Variants in RABGAP1L observed in about 807,000 individuals in gnomAD.
RABGAP1L encodes the protein RAB GTPase activating protein 1 like.
Under a neutral mutation model 137.7 loss-of-function variants are expected in RABGAP1L, and 63 were observed. That is an observed-to-expected ratio of 0.46 (90% CI 0.37 to 0.56). The LOEUF (loss-of-function observed/expected upper bound fraction) is 0.56. Among genes scored for constraint, RABGAP1L ranks in the 20% least tolerant of loss-of-function variants. The probability of loss-of-function intolerance (pLI) is 0.00; values close to 1 mark genes in which losing one functional copy is unlikely to be tolerated. For synonymous variants in RABGAP1L, 431 were observed against 433.7 expected, an observed-to-expected ratio of 0.99 and a Z score of 0.08; for missense variants, 1,095 against 1,244.0, an observed-to-expected ratio of 0.88 and a Z score of 1.80.
chr1:174,572,652 A>T (rs1668071425), intron 13 of RABGAP1L, among the ~76,000 whole-genome samples: 1 of 152,178 alleles, frequency 6.6e-6, no homozygotes, highest in African/African-American at 2.4e-5. Context: ...AAGTGCTGAG[A>T]CTGCAGGCGT....
intron 14 of RABGAP1L, among the ~76,000 whole-genome samples, chr1:174,648,202 C>G (rs1675156261): frequency 6.6e-6 from 1 of 151,940 alleles, no homozygotes; most frequent in Non-Finnish European, 1.5e-5. Flanking sequence ...ATGTCTATCT[C>G]CTTCAGTTCT....
intron 15 of RABGAP1L, among the ~76,000 whole-genome samples, chr1:174,694,521 A>G (rs1293256613): frequency 6.6e-6 from 1 of 151,572 alleles, no homozygotes; most frequent in African/African-American, 2.4e-5. Flanking sequence ...CCTACAAAGG[A>G]CATGAACTCA....
At chr1:174,900,080 G>A (rs80079076) in intron 19 of RABGAP1L, among the ~76,000 whole-genome samples, 3,153 of 152,298 alleles carry the variant, frequency 0.021, 45 homozygotes, top group Middle Eastern at 0.078. Flanking sequence ...AATTGCAACT[G>A]TCCACCAGAA....
rs189405382 is a variant in RABGAP1L at position 174,984,015 on chromosome 1, G to C, written c.2805+1110G>C. 9.8e-4 allele frequency among the ~76,000 whole-genome samples: 146 copies of C among 149,518 alleles called. 1 individual carries two copies. Among genetic ancestry groups the C allele is most frequent in the African/African-American group, 3.5e-3 (142 of 40,422 alleles). On this transcript the variant is annotated intron_variant, in intron 24 of 25. Coordinates refer to ENST00000681986, the MANE Select transcript of RABGAP1L (RefSeq NM_001366446.1). ...TTGATGAAGTTGAATGGCATAAAGG[G>C]GTTAACTCTCCTGAAGTGAATTTTT...
chr1:174,263,996 T>C (rs1048118548), intron 7 of RABGAP1L, among the ~76,000 whole-genome samples: 18 of 152,062 alleles, frequency 1.2e-4, no homozygotes, highest in African/African-American at 4.3e-4. Flanking sequence ...AATAGTAGCA[T>C]AGTTGTTTTA....
At chr1:174,630,248 G>A (rs1673249033) in intron 13 of RABGAP1L, among the ~76,000 whole-genome samples, 1 of 135,712 alleles carries the variant, frequency 7.4e-6, no homozygotes, top group Admixed American at 7.7e-5. Flanking sequence ...AAGCCCACTT[G>A]ATCATGGTGG....
At chr1:174,629,525 G>A (rs777620686) in intron 13 of RABGAP1L, among the ~76,000 whole-genome samples, 1 of 152,046 alleles carries the variant, frequency 6.6e-6, no homozygotes, top group African/African-American at 2.4e-5. Context: ...CTAGGAAGGG[G>A]AATTTTATTT....
At chr1:174,935,721 C>T (rs1664661532) in intron 19 of RABGAP1L, among the ~76,000 whole-genome samples, 1 of 152,174 alleles carries the variant, frequency 6.6e-6, no homozygotes, top group African/African-American at 2.4e-5. Flanking sequence ...GTGGCTCACG[C>T]CTGTAATCCC....
At chr1:174,322,977 T>A (rs983661399) in intron 11 of RABGAP1L, among the ~76,000 whole-genome samples, 8 of 152,184 alleles carry the variant, frequency 5.3e-5, no homozygotes, top group Non-Finnish European at 1.0e-4. Flanking sequence ...AAATGCCATT[T>A]TTTTTAGAAA....
At chr1:174,214,508 C>T (rs980551419) in intron 1 of RABGAP1L, among the ~76,000 whole-genome samples, 7 of 152,104 alleles carry the variant, frequency 4.6e-5, no homozygotes, top group Non-Finnish European at 7.4e-5. Flanking sequence ...TATGAAACTA[C>T]AAAAGACCCA....
At chr1:174,495,149 A>G (rs910912086) in intron 13 of RABGAP1L, among the ~76,000 whole-genome samples, 2 of 152,106 alleles carry the variant, frequency 1.3e-5, no homozygotes, top group South Asian at 2.1e-4. Context: ...TCTTTTTACC[A>G]TAAGTGGTGT....
chr1:174,509,048 G>A (rs1004772786), intron 13 of RABGAP1L, among the ~76,000 whole-genome samples: 3 of 152,164 alleles, frequency 2.0e-5, no homozygotes, highest in African/African-American at 7.2e-5. Flanking sequence ...TCTATTCATG[G>A]CAAGGTAATT....
intron 13 of RABGAP1L, among the ~76,000 whole-genome samples, chr1:174,491,414 C>G (rs936932848): frequency 2.0e-5 from 3 of 152,000 alleles, no homozygotes; most frequent in African/African-American, 7.2e-5. Flanking sequence ...GTCTGGTACC[C>G]TATCCTACTG....
intron 13 of RABGAP1L, among the ~76,000 whole-genome samples, chr1:174,636,647 C>A (rs542810055): frequency 4.0e-5 from 6 of 151,774 alleles, no homozygotes; most frequent in African/African-American, 1.5e-4. Flanking sequence ...TTTTAAATGA[C>A]CATGGTCTGA....
intron 19 of RABGAP1L, among the ~76,000 whole-genome samples, chr1:174,927,479 C>T (rs925927903): frequency 3.9e-5 from 6 of 152,162 alleles, no homozygotes; most frequent in African/African-American, 1.4e-4. Context: ...GTCCTCCTGC[C>T]TTGGTCTCCC....
At chr1:174,678,627 A>G (rs1419770052) in intron 14 of RABGAP1L, among the ~76,000 whole-genome samples, 3 of 152,186 alleles carry the variant, frequency 2.0e-5, no homozygotes, top group Non-Finnish European at 1.5e-5. Flanking sequence ...ACTGGTGGGT[A>G]TTTGTTCTTA....
intron 9 of RABGAP1L, among the ~76,000 whole-genome samples, chr1:174,276,154 A>G (rs1467096602): frequency 6.6e-6 from 1 of 151,660 alleles, no homozygotes; most frequent in Non-Finnish European, 1.5e-5. Flanking sequence ...TATTGTTATT[A>G]TTTTAAGAGA....
chr1:174,347,695 C>T (rs545031319), intron 11 of RABGAP1L, among the ~76,000 whole-genome samples: 4 of 152,206 alleles, frequency 2.6e-5, no homozygotes, highest in South Asian at 2.1e-4. Context: ...GCGGTTTCAC[C>T]GTGTTAGCCA....
At chr1:174,800,603 CCTT>C (rs1442771849) in intron 18 of RABGAP1L, 3 of 1,457,886 alleles carry the variant, frequency 2.1e-6, no homozygotes, top group African/African-American at 1.4e-5. Flanking sequence ...GTTTTCTTCT[CCTT>C]CTCCCCATTC....
Sources: allele counts gnomAD v4.1 joint callset (sites outside exome capture counted in the v4.1 genomes callset), GRCh38; gene constraint gnomAD v4.1.1; transcripts MANE v1.5; gene names NCBI Gene and HGNC (gene_info 2026-07-23, HGNC 2026-07-21).